ATG7: variants seen among roughly 807,000 people sequenced by gnomAD.
The protein encoded by ATG7 is ubiquitin-like modifier-activating enzyme ATG7.
ATG7 carries 70 observed loss-of-function variants against 82.4 expected under a neutral mutation model. The ratio of observed to expected loss-of-function variants is 0.85; its 90% CI spans 0.70 to 1.04. The LOEUF is 1.04. Among genes scored for constraint, ATG7 ranks in the 50% least tolerant of loss-of-function variants. ATG7 has a pLI of 0.00. For missense variants in ATG7, 792 were observed against 864.3 expected, an observed-to-expected ratio of 0.92 and a Z score of 1.05; for synonymous variants, 287 against 313.0, an observed-to-expected ratio of 0.92 and a Z score of 0.88.
Position 11,342,290 on chromosome 3 carries a change from G to T in ATG7, c.1125+11G>T. ...GCTAGGACGTTGATGGTAAGTCGGA[G>T]GTGGGGGGTGCAAATGGCACCTTTG... On this transcript the variant is annotated intron_variant, in intron 13 of 20. Coordinates refer to ENST00000693202, the MANE Select transcript of ATG7 (RefSeq NM_001349232.2). The T allele has an allele frequency of 6.2e-7, 1 of 1,607,110 alleles. No homozygotes were observed.
chr3:11,323,435 G>A (rs1408694513), intron 9 of ATG7, among the ~76,000 whole-genome samples: 2 of 152,204 alleles, frequency 1.3e-5, no homozygotes, highest in African/African-American at 4.8e-5. Flanking sequence ...GTACACATGT[G>A]TTAGGTTGAA....
rs369245076 is a variant in ATG7, at chr3:11,411,588, C to G, written c.1957-15216C>G. Among the ~76,000 whole-genome samples, 4 of 127,236 alleles carry G rather than the reference C, an allele frequency of 3.1e-5. No individual in the cohort carries two copies. The East Asian group carries it at 8.2e-4, about 26-fold the overall frequency. The allele number at this position is 127,236 out of a possible 152,430, so 83.5% of individuals were successfully genotyped here. ...TGAGCCGAGATCACGCCACTGCACT[C>G]CAGCCTGGTGACACAGCAAGACTCT... On this transcript the variant is annotated intron_variant, in intron 19 of 20. Transcript: ENST00000693202.
Position 11,317,584 on chromosome 3 carries a change from C to CTTTTTTTTTTTTT in ATG7, c.678+2099_678+2111dup, listed in dbSNP as rs370026914. Among the ~76,000 whole-genome samples the CTTTTTTTTTTTTT allele has an allele frequency of 7.8e-4, 89 of 114,484 alleles. 1 individual carries two copies. The highest frequency in any genetic ancestry group is 4.5e-3 in the Middle Eastern group (1 of 220). The allele number at this position is 114,484 out of a possible 152,430, so 75.1% of individuals were successfully genotyped here. ...CGAAGCCTATGCCCTTTCTTTCTTT[C>CTTTTTTTTTTTTT]TTTTTTTTTTTTTTTTTTTTGTTTT... On this transcript the variant is annotated intron_variant, in intron 9 of 20. Transcript: ENST00000693202.
intron 20 of ATG7, among the ~76,000 whole-genome samples, chr3:11,511,545 C>T (rs1321122053): frequency 6.6e-6 from 1 of 152,196 alleles, no homozygotes; most frequent in Non-Finnish European, 1.5e-5. Context: ...CTAGTGGATC[C>T]TGCACTGGGG....
intron 3 of ATG7, among the ~76,000 whole-genome samples, chr3:11,284,194 C>T (rs1575143872): frequency 6.6e-6 from 1 of 152,072 alleles, no homozygotes; most frequent in Non-Finnish European, 1.5e-5. Flanking sequence ...TGTATTTCTT[C>T]ATTAAAAAAT....
chr3:11,510,316 T>C (rs2091986673), intron 20 of ATG7: 1 of 456,320 alleles, frequency 2.2e-6, no homozygotes, highest in Admixed American at 2.4e-5. Flanking sequence ...CTTGCATTCA[T>C]ACTTGAATGT....
chr3:11,494,670 G>A (rs1231319147), intron 20 of ATG7, among the ~76,000 whole-genome samples: 4 of 152,134 alleles, frequency 2.6e-5, no homozygotes, highest in Non-Finnish European at 5.9e-5. Context: ...TCTCTTGATG[G>A]AACACAGATA....
chr3:11,438,956 A>G (rs887174736), intron 20 of ATG7, among the ~76,000 whole-genome samples: 1 of 152,180 alleles, frequency 6.6e-6, no homozygotes, highest in Non-Finnish European at 1.5e-5. Flanking sequence ...ACTTGCAAAC[A>G]TAACAGCTGC....
intron 19 of ATG7, among the ~76,000 whole-genome samples, chr3:11,387,261 C>G (rs2078390751): frequency 6.6e-6 from 1 of 152,258 alleles, no homozygotes; most frequent in Non-Finnish European, 1.5e-5. Flanking sequence ...ACCTTCCGTT[C>G]ATGTCTCTTG....
chr3:11,531,306 T>G (rs894100213), intron 20 of ATG7, among the ~76,000 whole-genome samples: 1 of 152,152 alleles, frequency 6.6e-6, no homozygotes, highest in South Asian at 2.1e-4. Flanking sequence ...GGGAGCACTG[T>G]GCATTAGCCT....
In ATG7 at chr3:11,342,165, C is replaced by G. The variant is rs748005569; in HGVS notation, c.1011C>G (p.Leu337=). Residue 337 remains leucine, a synonymous_variant, in exon 13 of 21, where the codon CTC becomes CTG. Transcript: ENST00000693202. ...RLAESSVDLN[L]KLMCWRLVPT... Reference sequence around the variant, plus strand: ...CTGAGTCATCAGTGGATCTAAATCTCAAACTGATGTGTTGGAGATTGGTTC... The same window carrying G: ...CTGAGTCATCAGTGGATCTAAATCTGAAACTGATGTGTTGGAGATTGGTTC... 9 of 1,613,070 alleles carry G rather than the reference C, an allele frequency of 5.6e-6. No homozygotes were observed. The highest frequency in any genetic ancestry group is 2.2e-5 in the East Asian group (1 of 44,846).
chr3:11,302,342 A>G (rs1164962810), intron 5 of ATG7, among the ~76,000 whole-genome samples: 1 of 152,260 alleles, frequency 6.6e-6, no homozygotes, highest in African/African-American at 2.4e-5. Context: ...AAGTTTAATG[A>G]AAGTGCTTGG....
chr3:11,387,313 G>A (rs1471785282), intron 19 of ATG7, among the ~76,000 whole-genome samples: 1 of 152,170 alleles, frequency 6.6e-6, no homozygotes, highest in African/African-American at 2.4e-5. Flanking sequence ...CAGAGAACAC[G>A]GCCTTGCTTG....
In ATG7 at chr3:11,378,027, A is replaced by ATTTTTTTTTTTTTT. The variant is rs61176051; in HGVS notation, c.1876-1940_1876-1927dup. On this transcript the variant is annotated intron_variant, in intron 18 of 20. Coordinates refer to ENST00000693202, the MANE Select transcript of ATG7 (RefSeq NM_001349232.2). ...GCTATCTAACTTATACCAGTTACCAATTTTTTTTTTTTTTTTTTGAGATGG... is the reference window on the plus strand; with the variant it reads ...GCTATCTAACTTATACCAGTTACCAATTTTTTTTTTTTTTTTTTTTTTTTTTTTTTTTGAGATGG... 7.1e-3 allele frequency among the ~76,000 whole-genome samples: 656 copies of ATTTTTTTTTTTTTT among 92,674 alleles called. 84 individuals are homozygous for ATTTTTTTTTTTTTT. Among genetic ancestry groups the ATTTTTTTTTTTTTT allele is most frequent in the African/African-American group, 0.02 (373 of 18,692 alleles). 60.8% of individuals were successfully genotyped at this position (92,674 alleles called of 152,430 possible). A position where few individuals can be genotyped will look rare whatever the true frequency, so the allele number is the denominator to read the frequency against.
Position 11,306,992 on chromosome 3 carries a change from A to G in ATG7, c.265A>G (p.Asn89Asp). ...CTGCCCAGCTATTGGAACACTGTAT[A>G]ACACCAACACACTCGAGTCTTTCAA... ...RCCPAIGTLY[N>D]TNTLESFKTA... Residue 89 changes from asparagine (N) to aspartate (D), a missense_variant, in exon 6 of 21, where the codon AAC (asparagine) becomes GAC (aspartate). Transcript: ENST00000693202. 1.2e-6 allele frequency: 2 copies of G among 1,614,068 alleles called. No homozygotes were observed. Among genetic ancestry groups the G allele is most frequent in the Non-Finnish European group, 1.7e-6 (2 of 1,180,012 alleles).
chr3:11,412,585 C>G (rs2081015477), intron 19 of ATG7, among the ~76,000 whole-genome samples: 2 of 152,120 alleles, frequency 1.3e-5, no homozygotes, highest in Non-Finnish European at 2.9e-5. Flanking sequence ...ATTACTGTAG[C>G]TTTGTAGTAA....
At chr3:11,329,137 T>C (rs1258175188) in intron 9 of ATG7, among the ~76,000 whole-genome samples, 1 of 152,202 alleles carries the variant, frequency 6.6e-6, no homozygotes, top group Non-Finnish European at 1.5e-5. Flanking sequence ...ATTTATAGCA[T>C]GATCCCATGT....
intron 20 of ATG7, among the ~76,000 whole-genome samples, chr3:11,491,438 T>C (rs2090345428): frequency 6.6e-6 from 1 of 152,132 alleles, no homozygotes; most frequent in East Asian, 1.9e-4. Flanking sequence ...TAGCTCAGAG[T>C]AGTTTGATCG....
At chr3:11,442,011 C>G (rs1045653705) in intron 20 of ATG7, among the ~76,000 whole-genome samples, 1 of 152,160 alleles carries the variant, frequency 6.6e-6, no homozygotes, top group Non-Finnish European at 1.5e-5. Context: ...CTATGTTGCC[C>G]AGGCTGGTCT....
Sources: allele counts gnomAD v4.1 joint callset (sites outside exome capture counted in the v4.1 genomes callset), GRCh38; gene constraint gnomAD v4.1.1; transcripts MANE v1.5; gene names NCBI Gene and HGNC (gene_info 2026-07-23, HGNC 2026-07-21).